Variants in RANBP2 observed in about 807,000 individuals in gnomAD.
RANBP2 encodes the protein RAN binding protein 2.
RANBP2 carries 57 observed loss-of-function variants against 303.6 expected under a neutral mutation model. The observed-to-expected ratio is 0.19, with a 90% CI of 0.15 to 0.23. The LOEUF (loss-of-function observed/expected upper bound fraction) is 0.23. Among genes scored for constraint, RANBP2 ranks in the 10% least tolerant of loss-of-function variants. The pLI, the probability that RANBP2 is intolerant of heterozygous loss-of-function variation, is 1.00. For missense variants in RANBP2, 3,138 were observed against 3,780.8 expected (o/e 0.83, Z 4.46); for synonymous variants, 1,167 against 1,301.5 (o/e 0.90, Z 2.23).
At chr2:108,930,220 C>G in the RANBP2 span, 2 of 1,613,962 alleles carry the variant, frequency 1.2e-6, no homozygotes, top group Non-Finnish European at 1.7e-6. Flanking sequence ...GTATTCCGCT[C>G]GGGCTGAGCA....
the RANBP2 span, among the ~76,000 whole-genome samples, chr2:109,550,127 C>A: frequency 6.6e-6 from 1 of 151,576 alleles, no homozygotes; most frequent in Non-Finnish European, 1.5e-5. Flanking sequence ...CCCATCTCTA[C>A]TAAAAATACA....
At chr2:109,139,557 T>A in the RANBP2 span, among the ~76,000 whole-genome samples, 9 of 152,204 alleles carry the variant, frequency 5.9e-5, no homozygotes, top group African/African-American at 2.2e-4. Context: ...ATCTGAGTTT[T>A]AAAAATTAAT....
In RANBP2 at chr2:108,765,111, T is replaced by C. The variant is rs1172413997; in HGVS notation, c.4572T>C (p.Gly1524=). The stretch of plus-strand genomic sequence containing the variant: ...CAACACCTGCCTCTTTTAAGTTTGG[T>C]ACTTCAGAGACAAGTAAAACTCTAA... ...SIPTPASFKF[G]TSETSKTLKS... The change falls in exon 20 of 29, where the codon GGT becomes GGC. Residue 1524 remains glycine, a synonymous_variant. Transcript: ENST00000283195. The C allele has an allele frequency of 1.2e-6, 2 of 1,613,894 alleles. No homozygotes were observed. Among genetic ancestry groups the C allele is most frequent in the Admixed American group, 3.3e-5 (2 of 59,986 alleles).
the RANBP2 span, among the ~76,000 whole-genome samples, chr2:109,351,331 G>T: frequency 1.3e-5 from 2 of 152,344 alleles, no homozygotes; most frequent in African/African-American, 4.8e-5. Flanking sequence ...TGGGCCAGGA[G>T]CACCTCGCCT....
At chr2:109,167,867 A>G in the RANBP2 span, among the ~76,000 whole-genome samples, 1 of 152,176 alleles carries the variant, frequency 6.6e-6, no homozygotes, top group Non-Finnish European at 1.5e-5. Context: ...CACTGCACCC[A>G]GCCTAGTGTC....
the RANBP2 span, among the ~76,000 whole-genome samples, chr2:109,374,105 C>T: frequency 6.6e-6 from 1 of 152,204 alleles, no homozygotes; most frequent in Non-Finnish European, 1.5e-5. Flanking sequence ...CATAGCCCCA[C>T]CTGCCCCCAC....
chr2:109,371,596 T>G, the RANBP2 span: 1 of 1,614,012 alleles, frequency 6.2e-7, no homozygotes, highest in South Asian at 1.1e-5. Flanking sequence ...GACGAGATTC[T>G]GACGGTGCTC....
the RANBP2 span, among the ~76,000 whole-genome samples, chr2:108,833,090 A>T: frequency 3.9e-5 from 6 of 152,246 alleles, no homozygotes; most frequent in African/African-American, 1.2e-4. Context: ...TAAAGAGATC[A>T]GTAGCTGCCA....
At chr2:109,147,318 G>T in the RANBP2 span, among the ~76,000 whole-genome samples, 1 of 152,158 alleles carries the variant, frequency 6.6e-6, no homozygotes. Flanking sequence ...GCACATCAGG[G>T]AACCTCAAAT....
At chr2:109,185,635 A>G in the RANBP2 span, among the ~76,000 whole-genome samples, 1 of 152,174 alleles carries the variant, frequency 6.6e-6, no homozygotes, top group South Asian at 2.1e-4. Context: ...GTCCCTGGAC[A>G]GGACAGCCCT....
At chr2:108,791,143 T>G in the RANBP2 span, among the ~76,000 whole-genome samples, 1 of 151,834 alleles carries the variant, frequency 6.6e-6, no homozygotes, top group African/African-American at 2.4e-5. Context: ...TTTTTAAAAT[T>G]TATTTTTTTA....
chr2:109,418,649 T>C, the RANBP2 span, among the ~76,000 whole-genome samples: 1 of 152,172 alleles, frequency 6.6e-6, no homozygotes, highest in South Asian at 2.1e-4. Flanking sequence ...TCAGGATCCT[T>C]ACCTCATATC....
At chr2:108,802,436 T>C in the RANBP2 span, among the ~76,000 whole-genome samples, 2,919 of 141,796 alleles carry the variant, frequency 0.021, 176 homozygotes, top group African/African-American at 0.082. Flanking sequence ...TGTTTGTCTG[T>C]TGTTGGTGTA....
At chr2:109,260,445 G>A in the RANBP2 span, among the ~76,000 whole-genome samples, 1 of 152,216 alleles carries the variant, frequency 6.6e-6, no homozygotes, top group African/African-American at 2.4e-5. Flanking sequence ...AGAGAAAGGT[G>A]GAGAAAGCAT....
chr2:109,670,267 G>A, the RANBP2 span, among the ~76,000 whole-genome samples: 2 of 150,924 alleles, frequency 1.3e-5, no homozygotes, highest in African/African-American at 4.9e-5. Flanking sequence ...CCATGGTGGG[G>A]GACAGGTTAG....
At chr2:109,603,884 G>A in the RANBP2 span, among the ~76,000 whole-genome samples, 15 of 152,066 alleles carry the variant, frequency 9.9e-5, no homozygotes, top group South Asian at 6.2e-4. Flanking sequence ...ATTTTAAGCC[G>A]GGCACGGTGG....
At chr2:109,018,101 A>T in the RANBP2 span, among the ~76,000 whole-genome samples, 2 of 152,208 alleles carry the variant, frequency 1.3e-5, no homozygotes, top group African/African-American at 4.8e-5. Context: ...TTAAAATCAG[A>T]CCATTACCTC....
At chr2:109,162,852 T>C in the RANBP2 span, among the ~76,000 whole-genome samples, 1 of 148,700 alleles carries the variant, frequency 6.7e-6, no homozygotes, top group Non-Finnish European at 1.5e-5. Context: ...TTTCTCACCT[T>C]GGTATTGCAG....
At position 108,753,868 on chromosome 2, in the gene RANBP2, C is replaced by G; in HGVS notation, c.2099C>G (p.Ser700Cys). 1 of 1,611,998 alleles carries G rather than the reference C, an allele frequency of 6.2e-7. No individual in the cohort carries two copies. Among genetic ancestry groups the G allele is most frequent in the Non-Finnish European group, 8.5e-7 (1 of 1,179,872 alleles). Residue 700 changes from serine to cysteine, a missense_variant, in exon 15 of 29, where the codon TCT becomes TGT. Ser to Cys is a moderately radical substitution (Grantham distance 112). Coordinates refer to ENST00000283195, the MANE Select transcript of RANBP2 (RefSeq NM_006267.5). ...GAAGACATTGAAAATGATGCCCTTT[C>G]TCCTGAAGAACAAGAAGAATGCAAA... ...KAEDIENDAL[S>C]PEEQEECKNY...
Sources: allele counts gnomAD v4.1 joint callset (sites outside exome capture counted in the v4.1 genomes callset), GRCh38; gene constraint gnomAD v4.1.1; transcripts MANE v1.5; gene names NCBI Gene and HGNC (gene_info 2026-07-23, HGNC 2026-07-21).